The following CD96 variants were observed in gnomAD, a reference collection of about 807,000 sequenced individuals.
The protein encoded by CD96 is CD96 molecule.
CD96 carries 70 observed loss-of-function variants against 71.3 expected under a neutral mutation model. The observed-to-expected ratio is 0.98, with a 90% CI of 0.81 to 1.20. The LOEUF (loss-of-function observed/expected upper bound fraction) is 1.20. CD96 is among the 50% of genes most tolerant of loss of function. CD96 has a pLI of 0.00. For synonymous variants in CD96, 248 were observed against 233.0 expected (o/e 1.06, Z -0.59); for missense variants, 742 against 677.5 (o/e 1.10, Z -1.06).
chr3:111,628,500 A>G (rs1252985121), intron 10 of CD96, among the ~76,000 whole-genome samples: 1 of 152,242 alleles, frequency 6.6e-6, no homozygotes, highest in East Asian at 1.9e-4. Flanking sequence ...AAAAATGAAC[A>G]AAACATTTGA....
chr3:111,572,970 GGACAGTGTAT>G (rs2107564437), intron 3 of CD96, among the ~76,000 whole-genome samples: 1 of 152,266 alleles, frequency 6.6e-6, no homozygotes, highest in Admixed American at 6.5e-5. Context: ...AGGTGCAAAT[GGACAGTGTAT>G]CTAACATTCA....
At chr3:111,596,761 T>C (rs1937278860) in intron 5 of CD96, among the ~76,000 whole-genome samples, 2 of 152,242 alleles carry the variant, frequency 1.3e-5, no homozygotes, top group African/African-American at 4.8e-5. Flanking sequence ...GAATGTATTT[T>C]AGAGGATCTG....
chr3:111,561,866 G>A (rs1460000902), intron 2 of CD96, among the ~76,000 whole-genome samples: 14 of 150,886 alleles, frequency 9.3e-5, no homozygotes, highest in Admixed American at 4.6e-4. Context: ...GCGAGATTCC[G>A]TGGGCGTAGG....
intron 10 of CD96, among the ~76,000 whole-genome samples, chr3:111,629,414 CAAA>C (rs1178480636): frequency 1.3e-5 from 2 of 151,956 alleles, no homozygotes; most frequent in African/African-American, 4.8e-5. Context: ...AAAAAAAAGA[CAAA>C]GAAGAGCATT....
chr3:111,575,405 A>G, intron 3 of CD96, among the ~76,000 whole-genome samples: 1 of 152,240 alleles, frequency 6.6e-6, no homozygotes, highest in East Asian at 1.9e-4. Context: ...AAATTTGTAA[A>G]TAAAGGCAGA....
intron 8 of CD96, among the ~76,000 whole-genome samples, chr3:111,621,179 G>T (rs1486415001): frequency 6.6e-6 from 1 of 152,188 alleles, no homozygotes; most frequent in African/African-American, 2.4e-5. Flanking sequence ...CTAGGTAGTG[G>T]TCATGTAGTT....
chr3:111,647,329 T>C (rs1247941897), intron 12 of CD96, among the ~76,000 whole-genome samples: 1 of 152,156 alleles, frequency 6.6e-6, no homozygotes, highest in Admixed American at 6.5e-5. Context: ...TGTATGCTTA[T>C]ATATATCCAC....
At chr3:111,645,033 G>A (rs940951728) in intron 12 of CD96, among the ~76,000 whole-genome samples, 1 of 152,108 alleles carries the variant, frequency 6.6e-6, no homozygotes, top group Non-Finnish European at 1.5e-5. Flanking sequence ...AGGAAAAGAA[G>A]TCATTATTCG....
At chr3:111,615,586 G>A (rs532744069) in intron 8 of CD96, among the ~76,000 whole-genome samples, 5 of 152,184 alleles carry the variant, frequency 3.3e-5, no homozygotes, top group Non-Finnish European at 7.3e-5. Context: ...TCTAAGGGGT[G>A]TGTGTGTATG....
intron 2 of CD96, among the ~76,000 whole-genome samples, chr3:111,554,594 T>G (rs1934892105): frequency 1.3e-5 from 2 of 152,064 alleles, no homozygotes; most frequent in African/African-American, 4.8e-5. Flanking sequence ...AACTATAAAG[T>G]ACACGTATAT....
At chr3:111,610,070 G>T (rs1241181599) in intron 8 of CD96, among the ~76,000 whole-genome samples, 1 of 152,228 alleles carries the variant, frequency 6.6e-6, no homozygotes, top group East Asian at 1.9e-4. Flanking sequence ...AGGCTTAGGT[G>T]TAATTACAGT....
At chr3:111,633,447 A>C (rs560029730) in intron 10 of CD96, among the ~76,000 whole-genome samples, 1 of 151,612 alleles carries the variant, frequency 6.6e-6, no homozygotes, top group Non-Finnish European at 1.5e-5. Context: ...ATGCTGTTGG[A>C]AAAAAAATGG....
chr3:111,616,649 T>C (rs939700642), intron 8 of CD96, among the ~76,000 whole-genome samples: 1 of 152,196 alleles, frequency 6.6e-6, no homozygotes, highest in East Asian at 1.9e-4. Context: ...GTTCAGTTGT[T>C]GTCTCTGCCA....
At chr3:111,628,264 AG>A (rs1938877628) in intron 10 of CD96, among the ~76,000 whole-genome samples, 1 of 152,206 alleles carries the variant, frequency 6.6e-6, no homozygotes, top group South Asian at 2.1e-4. Flanking sequence ...CCCAATGCAA[AG>A]AAGCTAAGAA....
intron 5 of CD96, among the ~76,000 whole-genome samples, chr3:111,589,374 A>G (rs1440215560): frequency 6.6e-6 from 1 of 152,242 alleles, no homozygotes; most frequent in Non-Finnish European, 1.5e-5. Flanking sequence ...AATAAAACAA[A>G]AAACTTTACC....
chr3:111,582,361 T>C lies in CD96; in HGVS notation c.752-2962T>C, dbSNP rs1489830196. ...GCCACTTCTGTTCAACACGATGTAC[T>C]TAATGTCTAGTTTGTGCTGGGCAGT... On this transcript the variant is annotated intron_variant, in intron 4 of 13. Coordinates refer to ENST00000352690, the MANE Select transcript of CD96 (RefSeq NM_005816.5). Among the ~76,000 whole-genome samples, 9 of 152,232 alleles carry C rather than the reference T, an allele frequency of 5.9e-5. No homozygotes were observed. In the East Asian group the frequency reaches 1.7e-3, roughly 29 times the overall value.
downstream of CD96, among the ~76,000 whole-genome samples, chr3:111,655,857 A>T (rs1940215662): frequency 6.6e-6 from 1 of 151,596 alleles, no homozygotes; most frequent in South Asian, 2.1e-4. Flanking sequence ...GTAGATACAT[A>T]TATATGTACA....
chr3:111,635,617 A>C (rs78572361), intron 10 of CD96, among the ~76,000 whole-genome samples: 3,847 of 152,312 alleles, frequency 0.025, 190 homozygotes, highest in African/African-American at 0.089. Flanking sequence ...CTGGCACTGT[A>C]TACTTGCTGA....
rs770101663 is a variant in CD96 at position 111,623,870 on chromosome 3, T to C, written c.1249+48T>C. The C allele has an allele frequency of 5.1e-6, 6 of 1,186,518 alleles. No individual in the cohort carries two copies. In the East Asian group the frequency reaches 1.2e-4, roughly 23 times the overall value. 73.5% of individuals were successfully genotyped at this position (1,186,518 alleles called of 1,614,324 possible). ...ACATGATTGGAAAGAGACAACACACTCACAAGTTTTACTACTGCTTCTATA... is the reference window on the plus strand; with the variant it reads ...ACATGATTGGAAAGAGACAACACACCCACAAGTTTTACTACTGCTTCTATA... On this transcript the variant is annotated intron_variant, in intron 9 of 13. Transcript: ENST00000352690.
Sources: gnomAD v4.1 joint callset for allele counts (sites outside exome capture counted in the v4.1 genomes callset) on GRCh38, gnomAD v4.1.1 for gene constraint, MANE v1.5 for transcripts, NCBI Gene and HGNC (gene_info 2026-07-23, HGNC 2026-07-21) for gene names.